Variants in POTEH observed in about 807,000 individuals in gnomAD.
POTEH encodes the protein ANKRD26-like family C member 3.
In POTEH, 6 loss-of-function variants were observed where a neutral mutation model predicts 41.7. That is an observed-to-expected ratio of 0.14 (90% CI 0.08 to 0.28). The LOEUF (loss-of-function observed/expected upper bound fraction) is 0.28, where lower values mean the gene tolerates loss of function less well. Among genes scored for constraint, POTEH ranks in the 10% least tolerant of loss-of-function variants. The pLI is 1.00. For synonymous variants in POTEH, 38 were observed against 179.9 expected (o/e 0.21, Z 6.31); for missense variants, 115 against 533.5 (o/e 0.22, Z 7.73).
chr22:15,713,436 T>C (rs1229791070), intron 9 of POTEH, among the ~76,000 whole-genome samples: 8 of 152,290 alleles, frequency 5.3e-5, no homozygotes, highest in Non-Finnish European at 1.0e-4. Flanking sequence ...TGCTTGCTCC[T>C]CCTCATCTTT....
chr22:15,691,647 AT>A (rs1212242831), intron 1 of POTEH, among the ~76,000 whole-genome samples: 2 of 145,668 alleles, frequency 1.4e-5, no homozygotes, highest in East Asian at 4.0e-4. Flanking sequence ...TGCTAAGTTA[AT>A]TTTTTTGTAG....
intron 6 of POTEH, among the ~76,000 whole-genome samples, chr22:15,705,786 G>T (rs1298367934): frequency 2.0e-5 from 3 of 151,158 alleles, no homozygotes; most frequent in African/African-American, 7.3e-5. Context: ...TTTGTAACTT[G>T]CATCCTAGTA....
At chr22:15,721,069 T>TA (rs1990012202) in intron 10 of POTEH, among the ~76,000 whole-genome samples, 1 of 151,988 alleles carries the variant, frequency 6.6e-6, no homozygotes, top group Non-Finnish European at 1.5e-5. Flanking sequence ...AGCAGATTCC[T>TA]AAAAGTTTAA....
At chr22:15,711,278 G>T (rs1385562790) in intron 9 of POTEH, among the ~76,000 whole-genome samples, 3 of 152,064 alleles carry the variant, frequency 2.0e-5, no homozygotes, top group Non-Finnish European at 2.9e-5. Context: ...TTAGCTTCAG[G>T]GTACATGTGC....
At chr22:15,692,046 C>T (rs1414881543) in intron 1 of POTEH, among the ~76,000 whole-genome samples, 1 of 138,268 alleles carries the variant, frequency 7.2e-6, no homozygotes, top group Non-Finnish European at 1.6e-5. Flanking sequence ...CACTCTGTTG[C>T]CCAGGCTGGA....
intron 1 of POTEH, among the ~76,000 whole-genome samples, chr22:15,692,972 T>C (rs1255520289): frequency 4.0e-5 from 5 of 125,080 alleles, no homozygotes; most frequent in African/African-American, 1.4e-4. Context: ...TTAGTATTGC[T>C]TAAAATAGCA....
At chr22:15,716,274 A>AGAT (rs1449469080) in intron 9 of POTEH, among the ~76,000 whole-genome samples, 1 of 19,080 alleles carries the variant, frequency 5.2e-5, no homozygotes, top group Non-Finnish European at 1.0e-4. Flanking sequence ...GCTCTCACGG[A>AGAT]GATTTTTTTT....
chr22:15,716,428 T>C lies in POTEH; in HGVS notation c.1521-3232T>C, dbSNP rs1239235469. On this transcript the variant is annotated intron_variant, in intron 9 of 10. Transcript: ENST00000343518. The stretch of plus-strand genomic sequence containing the variant: ...TAGGAGATTTTAGTCTGTCAGTTCA[T>C]GTATGTGTATGATAGTCATATTGTC... 3.6e-5 allele frequency among the ~76,000 whole-genome samples: 2 copies of C among 55,162 alleles called. 1 individual carries two copies. The highest frequency in any genetic ancestry group is 8.0e-5 in the Non-Finnish European group (2 of 24,988). The allele number at this position is 55,162 out of a possible 152,430, so 36.2% of individuals were successfully genotyped here.
In POTEH at chr22:15,690,085, C is replaced by G. The variant is rs370666679; in HGVS notation, c.8C>G (p.Ala3Gly). 16 of 1,401,178 alleles carry G rather than the reference C, an allele frequency of 1.1e-5. No individual in the cohort carries two copies. Among genetic ancestry groups the G allele is most frequent in the Non-Finnish European group, 1.6e-5 (16 of 1,009,942 alleles). 86.8% of individuals were successfully genotyped at this position (1,401,178 alleles called of 1,614,324 possible). Residue 3 changes from alanine (A) to glycine (G), a missense_variant, in exon 1 of 11, where the codon GCT (alanine) becomes GGT (glycine). Transcript: ENST00000343518. MV[A>G]EAGSMPAASS... Reference sequence around the variant, plus strand: ...CCTGGCTGTTAAAAGCAGATGGTGGCTGAGGCTGGTTCAATGCCGGCTGCC... The same window carrying G: ...CCTGGCTGTTAAAAGCAGATGGTGGGTGAGGCTGGTTCAATGCCGGCTGCC...
chr22:15,691,449 C>T (rs1989307688), intron 1 of POTEH, among the ~76,000 whole-genome samples: 1 of 122,466 alleles, frequency 8.2e-6, no homozygotes, highest in South Asian at 2.6e-4. Flanking sequence ...TGGCGTGAAC[C>T]TGGGAGGCGG....
At chr22:15,698,291 T>G (rs1225529243) in intron 3 of POTEH, among the ~76,000 whole-genome samples, 2 of 129,142 alleles carry the variant, frequency 1.5e-5, no homozygotes, top group East Asian at 4.3e-4. Flanking sequence ...GCAATTTATC[T>G]TAGGGTTGAG....
At chr22:15,713,195 A>C (rs1989855297) in intron 9 of POTEH, among the ~76,000 whole-genome samples, 1 of 152,280 alleles carries the variant, frequency 6.6e-6, no homozygotes, top group African/African-American at 2.4e-5. Context: ...AATGCCAGTA[A>C]GTCTTCAATT....
At chr22:15,710,261 T>G (rs1264826931) in intron 8 of POTEH, among the ~76,000 whole-genome samples, 2 of 152,300 alleles carry the variant, frequency 1.3e-5, no homozygotes, top group Non-Finnish European at 2.9e-5. Flanking sequence ...AGTTTCACTC[T>G]GCTCCTTATG....
chr22:15,712,815 T>C (rs1989848107), intron 9 of POTEH, among the ~76,000 whole-genome samples: 3 of 142,978 alleles, frequency 2.1e-5, no homozygotes, highest in Admixed American at 1.4e-4. Context: ...AATTGGCTGA[T>C]TTTTATCAAG....
In POTEH at chr22:15,690,792, G is replaced by A. The variant is rs113611134; in HGVS notation, c.632+83G>A. On this transcript the variant is annotated intron_variant, in intron 1 of 10. Coordinates refer to ENST00000343518, the MANE Select transcript of POTEH (RefSeq NM_001136213.1). ...TCCTGGCCGGGGAGGAGGGGAGCCT[G>A]GTTTTCTTGCCTCCACAGGCCTCAC... 22 of 1,383,808 alleles carry A rather than the reference G, an allele frequency of 1.6e-5. 3 individuals carry two copies. The highest frequency in any genetic ancestry group is 1.1e-4 in the African/African-American group (7 of 65,888). 85.7% of individuals were successfully genotyped at this position (1,383,808 alleles called of 1,614,324 possible). A position where few individuals can be genotyped will look rare whatever the true frequency, so the allele number is the denominator to read the frequency against.
At position 15,690,447 on chromosome 22, in the gene POTEH, G is replaced by C; in HGVS notation, c.370G>C (p.Asp124His). ...KSNVGTSGDH[D>H]DSAMKTLRSK... is the part of the protein sequence containing the mutation. ...CAACGTGGGCACTTCTGGAGACCACGACGACTCTGCTATGAAGACACTCAG... is the reference window on the plus strand; with the variant it reads ...CAACGTGGGCACTTCTGGAGACCACCACGACTCTGCTATGAAGACACTCAG... Residue 124 changes from aspartate to histidine, a missense_variant, in exon 1 of 11, where the codon GAC becomes CAC. Transcript: ENST00000343518. 7.1e-7 allele frequency: 1 copy of C among 1,408,526 alleles called. No homozygotes were observed. The highest frequency in any genetic ancestry group is 2.0e-5 in the Admixed American group (1 of 49,886). 87.3% of individuals were successfully genotyped at this position (1,408,526 alleles called of 1,614,324 possible).
chr22:15,691,052 A>C (rs1601493106), intron 1 of POTEH, among the ~76,000 whole-genome samples: 1 of 143,850 alleles, frequency 7.0e-6, no homozygotes, highest in African/African-American at 2.5e-5. Flanking sequence ...TTGAGAACTA[A>C]GAATGAAGCC....
intron 8 of POTEH, among the ~76,000 whole-genome samples, chr22:15,710,232 T>A (rs1200278649): frequency 1.3e-5 from 2 of 152,294 alleles, no homozygotes; most frequent in African/African-American, 4.8e-5. Context: ...TTTCTGGAAT[T>A]CCATGATTGT....
intron 9 of POTEH, among the ~76,000 whole-genome samples, chr22:15,714,217 T>A (rs1308438675): frequency 6.6e-6 from 1 of 151,486 alleles, no homozygotes; most frequent in Non-Finnish European, 1.5e-5. Flanking sequence ...CACCATCATC[T>A]GCCATCTAGA....
Sources: gnomAD v4.1 joint callset for allele counts (sites outside exome capture counted in the v4.1 genomes callset) on GRCh38, gnomAD v4.1.1 for gene constraint, MANE v1.5 for transcripts, NCBI Gene and HGNC (gene_info 2026-07-23, HGNC 2026-07-21) for gene names.